Variants in SPMIP7 observed in about 807,000 individuals in gnomAD.
The protein encoded by SPMIP7 is sperm microtubule inner protein 7.
chr7:50,095,978 C>G, the SPMIP7 span: 2 of 682,924 alleles, frequency 2.9e-6, no homozygotes, highest in Admixed American at 7.5e-5. Context: ...CAATTTTATA[C>G]TAGTTTAACA....
At chr7:50,158,671 C>G in the SPMIP7 span, among the ~76,000 whole-genome samples, 1 of 152,108 alleles carries the variant, frequency 6.6e-6, no homozygotes, top group Non-Finnish European at 1.5e-5. Context: ...ATGTCTTGTC[C>G]TGGCTTCCCT....
the SPMIP7 span, among the ~76,000 whole-genome samples, chr7:50,119,931 T>G: frequency 4.6e-3 from 696 of 152,312 alleles, 4 homozygotes; most frequent in African/African-American, 0.016. Flanking sequence ...AATAAATTAC[T>G]CGCTGAACCT....
At chr7:50,138,627 T>C in the SPMIP7 span, among the ~76,000 whole-genome samples, 2 of 152,214 alleles carry the variant, frequency 1.3e-5, no homozygotes, top group African/African-American at 4.8e-5. Context: ...ATGTAGGAGA[T>C]ATTAGTCCAC....
the SPMIP7 span, among the ~76,000 whole-genome samples, chr7:50,133,740 T>A: frequency 6.6e-6 from 1 of 152,268 alleles, no homozygotes; most frequent in East Asian, 1.9e-4. Context: ...CTGACATTTG[T>A]TTCTTCAAGG....
the SPMIP7 span, among the ~76,000 whole-genome samples, chr7:50,121,484 C>T: frequency 6.6e-6 from 1 of 152,148 alleles, no homozygotes; most frequent in African/African-American, 2.4e-5. Context: ...AGAACTGTAA[C>T]CATGTAGACT....
chr7:50,129,681 T>G, the SPMIP7 span: 2 of 1,305,626 alleles, frequency 1.5e-6, no homozygotes, highest in Non-Finnish European at 2.1e-6. Flanking sequence ...TCCATTTATA[T>G]TTGGTCTCTT....
chr7:50,158,789 G>A, the SPMIP7 span, among the ~76,000 whole-genome samples: 1 of 152,006 alleles, frequency 6.6e-6, no homozygotes, highest in African/African-American at 2.4e-5. Context: ...CCCTCCCCAG[G>A]CACGGTGCGG....
At chr7:50,099,233 G>A in the SPMIP7 span, among the ~76,000 whole-genome samples, 25 of 152,166 alleles carry the variant, frequency 1.6e-4, no homozygotes, top group African/African-American at 4.6e-4. Context: ...TGTCCTTATC[G>A]ATCTCCTGTC....
At chr7:50,096,405 G>A in the SPMIP7 span, 1 of 1,551,814 alleles carries the variant, frequency 6.4e-7, no homozygotes, top group Non-Finnish European at 8.7e-7. Flanking sequence ...GGTGATTCCT[G>A]TTCAGGGTTT....
chr7:50,130,481 T>A, the SPMIP7 span, among the ~76,000 whole-genome samples: 1 of 152,108 alleles, frequency 6.6e-6, no homozygotes, highest in Non-Finnish European at 1.5e-5. Flanking sequence ...TATCTCCACC[T>A]GGCCCCACCC....
chr7:50,125,115 T>TATATATATATACACACACACAC, the SPMIP7 span, among the ~76,000 whole-genome samples: 1 of 25,416 alleles, frequency 3.9e-5, no homozygotes, highest in South Asian at 1.1e-3. Context: ...TATATATATA[T>TATATATATATACACACACACAC]ACACACACAC....
the SPMIP7 span, among the ~76,000 whole-genome samples, chr7:50,145,614 G>GTATATATATATATA: frequency 6.9e-4 from 27 of 39,042 alleles, no homozygotes; most frequent in African/African-American, 1.1e-3. Flanking sequence ...GTGTATATGT[G>GTATATATATATATA]TGTGTATATA....
the SPMIP7 span, among the ~76,000 whole-genome samples, chr7:50,136,824 C>T: frequency 6.6e-6 from 1 of 152,080 alleles, no homozygotes; most frequent in East Asian, 1.9e-4. Context: ...TAACACAACC[C>T]ACAACACAGG....
At chr7:50,127,599 G>A in the SPMIP7 span, among the ~76,000 whole-genome samples, 616 of 126,044 alleles carry the variant, frequency 4.9e-3, 4 homozygotes, top group African/African-American at 0.017. Context: ...TCTGAAAAAC[G>A]TCTATTCATA....
the SPMIP7 span, among the ~76,000 whole-genome samples, chr7:50,150,069 C>A: frequency 6.6e-6 from 1 of 152,152 alleles, no homozygotes; most frequent in Non-Finnish European, 1.5e-5. Context: ...TGCCTTGTCA[C>A]CTGATACTTT....
chr7:50,135,166 G>C, the SPMIP7 span, among the ~76,000 whole-genome samples: 4 of 152,136 alleles, frequency 2.6e-5, no homozygotes, highest in African/African-American at 9.7e-5. Flanking sequence ...GAATTCTTCA[G>C]GTCTTATTGT....
At chr7:50,132,743 C>G in the SPMIP7 span, among the ~76,000 whole-genome samples, 1 of 152,112 alleles carries the variant, frequency 6.6e-6, no homozygotes, top group Non-Finnish European at 1.5e-5. Context: ...TAAGTAAGTT[C>G]TAAATGTATT....
the SPMIP7 span, among the ~76,000 whole-genome samples, chr7:50,148,103 G>C: frequency 6.6e-6 from 1 of 152,130 alleles, no homozygotes; most frequent in Admixed American, 6.5e-5. Flanking sequence ...ATATAAGGTC[G>C]CTGTGTTGCA....
At chr7:50,130,675 T>G in the SPMIP7 span, among the ~76,000 whole-genome samples, 1 of 151,982 alleles carries the variant, frequency 6.6e-6, no homozygotes, top group African/African-American at 2.4e-5. Flanking sequence ...GAGTCCCACA[T>G]GTACAGGGTA....
Sources: gnomAD v4.1 joint callset for allele counts (sites outside exome capture counted in the v4.1 genomes callset) on GRCh38, gnomAD v4.1.1 for gene constraint, MANE v1.5 for transcripts, NCBI Gene and HGNC (gene_info 2026-07-23, HGNC 2026-07-21) for gene names.